TMEM87B: variants seen among roughly 807,000 people sequenced by gnomAD.
TMEM87B encodes the protein transmembrane protein 87B.
In TMEM87B, 83 loss-of-function variants were observed where a neutral mutation model predicts 80.3. The observed-to-expected ratio is 1.03, with a 90% CI of 0.87 to 1.24. The LOEUF (loss-of-function observed/expected upper bound fraction) is 1.24. Among genes scored for constraint, TMEM87B ranks in the 50% most tolerant of loss-of-function variants. The pLI, the probability that TMEM87B is intolerant of heterozygous loss-of-function variation, is 0.00. For missense variants in TMEM87B, 625 were observed against 674.4 expected, an observed-to-expected ratio of 0.93 and a Z score of 0.81; for synonymous variants, 219 against 230.5, an observed-to-expected ratio of 0.95 and a Z score of 0.45.
chr2:112,089,002 G>C (rs1182766495), intron 9 of TMEM87B, among the ~76,000 whole-genome samples: 1 of 152,154 alleles, frequency 6.6e-6, no homozygotes, highest in Non-Finnish European at 1.5e-5. Context: ...CTCAAGTAAT[G>C]TGCGTACCTT....
At chr2:112,058,400 G>A (rs1265218461) in intron 1 of TMEM87B, among the ~76,000 whole-genome samples, 1 of 152,220 alleles carries the variant, frequency 6.6e-6, no homozygotes, top group African/African-American at 2.4e-5. Context: ...GAGGAATGTT[G>A]TGGACTACAG....
rs1294155242 is a variant in TMEM87B at position 112,105,069 on chromosome 2, GC to G, written c.1451-932del. 3.9e-5 allele frequency among the ~76,000 whole-genome samples: 6 copies of G among 152,132 alleles called. No individual in the cohort carries two copies. In the East Asian group the frequency reaches 1.2e-3, roughly 29 times the overall value. On this transcript the variant is annotated intron_variant, in intron 15 of 18. Transcript: ENST00000283206. ...AATGTTAACTGTATTGATTGGCATG[GC>G]AGTTACTCAAGTGTATATATTTGTC...
At chr2:112,077,368 T>C (rs1245328601) in intron 6 of TMEM87B, 86 bp downstream of exon 6, 1 of 560,394 alleles carries the variant, frequency 1.8e-6, no homozygotes, top group Non-Finnish European at 3.1e-6. Flanking sequence ...ATTCTCTGTT[T>C]CAAATACATC....
At chr2:112,075,315 A>G (rs968410194) in intron 5 of TMEM87B, among the ~76,000 whole-genome samples, 5 of 152,068 alleles carry the variant, frequency 3.3e-5, no homozygotes, top group African/African-American at 1.2e-4. Flanking sequence ...CATGAGAATC[A>G]CTTGAACCTG....
intron 1 of TMEM87B, among the ~76,000 whole-genome samples, chr2:112,059,534 C>T (rs1338641699): frequency 2.0e-5 from 3 of 152,154 alleles, no homozygotes; most frequent in Non-Finnish European, 4.4e-5. Context: ...CTTGATTATT[C>T]ACGTCCTATA....
At chr2:112,091,351 C>T (rs1679295000) in intron 10 of TMEM87B, among the ~76,000 whole-genome samples, 1 of 152,106 alleles carries the variant, frequency 6.6e-6, no homozygotes, top group South Asian at 2.1e-4. Flanking sequence ...TTTCTGTGTC[C>T]CTTCACAACA....
intron 6 of TMEM87B, among the ~76,000 whole-genome samples, chr2:112,080,463 G>T (rs971913277): frequency 1.3e-5 from 2 of 150,456 alleles, no homozygotes; most frequent in Admixed American, 6.6e-5. Context: ...GTTTCACCGT[G>T]TTAGCCAGGA....
intron 4 of TMEM87B, among the ~76,000 whole-genome samples, chr2:112,073,983 G>T (rs944522225): frequency 1.3e-5 from 2 of 152,102 alleles, no homozygotes; most frequent in Non-Finnish European, 2.9e-5. Context: ...GAGCCTGTGG[G>T]TGTCGTTATA....
intron 1 of TMEM87B, among the ~76,000 whole-genome samples, chr2:112,056,486 A>G (rs1193287011): frequency 6.6e-6 from 1 of 152,090 alleles, no homozygotes; most frequent in Non-Finnish European, 1.5e-5. Flanking sequence ...AGAGGAGATG[A>G]TGTGGGAGAG....
chr2:112,090,894 C>T (rs939486660), intron 10 of TMEM87B, among the ~76,000 whole-genome samples: 1 of 152,182 alleles, frequency 6.6e-6, no homozygotes, highest in Non-Finnish European at 1.5e-5. Context: ...CCTCATTCTT[C>T]TCCCTGTTGT....
rs1679998990 is a variant in TMEM87B, at chr2:112,115,496, G to T, written c.1609-588G>T. Among the ~76,000 whole-genome samples the T allele has an allele frequency of 2.0e-5, 3 of 152,262 alleles. No homozygotes were observed. In the South Asian group the frequency reaches 6.2e-4, roughly 32 times the overall value. On this transcript the variant is annotated intron_variant, in intron 18 of 18. Coordinates refer to ENST00000283206, the MANE Select transcript of TMEM87B (RefSeq NM_032824.3). ...AAGATTCATAACTCTACAGAAAGAT[G>T]TAGCATGTAGATTAAAAGTACTTTA...
chr2:112,113,223 G>C (rs1369927683), intron 18 of TMEM87B, among the ~76,000 whole-genome samples: 1 of 152,212 alleles, frequency 6.6e-6, no homozygotes, highest in South Asian at 2.1e-4. Context: ...TCTGATACTT[G>C]TAGACATTTT....
intron 11 of TMEM87B, among the ~76,000 whole-genome samples, chr2:112,093,783 G>A (rs1398661616): frequency 6.6e-6 from 1 of 152,188 alleles, no homozygotes; most frequent in African/African-American, 2.4e-5. Flanking sequence ...TGATAAGAGA[G>A]AGTACTCACC....
intron 17 of TMEM87B, among the ~76,000 whole-genome samples, chr2:112,109,916 G>A (rs1463756822): frequency 2.6e-5 from 4 of 151,674 alleles, no homozygotes; most frequent in Admixed American, 1.3e-4. Flanking sequence ...ACAGGCAGGC[G>A]CCACCACACC....
chr2:112,073,573 A>G (rs573730050), intron 4 of TMEM87B, among the ~76,000 whole-genome samples: 8 of 152,204 alleles, frequency 5.3e-5, no homozygotes, highest in African/African-American at 1.4e-4. Flanking sequence ...TGTATATTCT[A>G]TTATTTTTGG....
chr2:112,085,732 A>T (rs1272066763), intron 8 of TMEM87B, among the ~76,000 whole-genome samples: 1 of 152,266 alleles, frequency 6.6e-6, no homozygotes, highest in Non-Finnish European at 1.5e-5. Context: ...GAGCAAGAAC[A>T]GAGGGAAGCT....
At chr2:112,076,734 G>A (rs2104470396) in intron 5 of TMEM87B, among the ~76,000 whole-genome samples, 1 of 152,200 alleles carries the variant, frequency 6.6e-6, no homozygotes, top group African/African-American at 2.4e-5. Flanking sequence ...AAACATTGAA[G>A]AATGAGAAAC....
intron 4 of TMEM87B, among the ~76,000 whole-genome samples, chr2:112,070,043 T>C (rs1158935342): frequency 6.6e-6 from 1 of 152,174 alleles, no homozygotes; most frequent in East Asian, 1.9e-4. Flanking sequence ...TGTAAATTTG[T>C]TTAAGTTCCT....
chr2:112,061,031 A>T (rs1460045593), intron 2 of TMEM87B, among the ~76,000 whole-genome samples: 3 of 152,330 alleles, frequency 2.0e-5, no homozygotes, highest in Admixed American at 1.3e-4. Context: ...TAAACCCTTT[A>T]TGGCCTTGAA....
Sources: allele counts gnomAD v4.1 joint callset (sites outside exome capture counted in the v4.1 genomes callset), GRCh38; gene constraint gnomAD v4.1.1; transcripts MANE v1.5; gene names NCBI Gene and HGNC (gene_info 2026-07-23, HGNC 2026-07-21).